PNPT1: variants seen among roughly 807,000 people sequenced by gnomAD.
The protein encoded by PNPT1 is polyribonucleotide nucleotidyltransferase 1.
In PNPT1, 53 loss-of-function variants were observed where a neutral mutation model predicts 119.5. That is an observed-to-expected ratio of 0.44 (90% confidence interval 0.36 to 0.56). The LOEUF is 0.56. Ranked by LOEUF, PNPT1 falls within the 20% of genes least tolerant of loss-of-function variation. The probability of loss-of-function intolerance (pLI) is 0.00; values close to 1 mark genes in which losing one functional copy is unlikely to be tolerated. For synonymous variants in PNPT1, 357 were observed against 322.1 expected (o/e 1.11, Z -1.16); for missense variants, 948 against 938.5 (o/e 1.01, Z -0.13).
chr2:55,644,338 A>T (rs564650719), intron 23 of PNPT1, among the ~76,000 whole-genome samples: 2 of 152,338 alleles, frequency 1.3e-5, no homozygotes, highest in East Asian at 3.9e-4. Flanking sequence ...TAACTAAGTA[A>T]TAATTCCTCT....
chr2:55,646,302 T>A lies in PNPT1; in HGVS notation c.1695A>T (p.Gly565=), dbSNP rs770096000. 2.2e-5 allele frequency: 36 copies of A among 1,612,962 alleles called. No individual in the cohort carries two copies. The South Asian group carries it at 3.5e-4, about 16-fold the overall frequency. Residue 565 remains glycine, a synonymous_variant, in exon 21 of 28, where the codon GGA becomes GGT. Transcript: ENST00000447944. ...CCTCCATCACAATTTTTATTGGTAT[T>A]CCAGGTAATTTAATATCAGCCTAAT... ...TALQADIKLP[G]IPIKIVMEAI...
At position 55,673,079 on chromosome 2, in the gene PNPT1, A is replaced by G; in HGVS notation, c.680T>C (p.Val227Ala). The G allele has an allele frequency of 6.4e-7, 1 of 1,561,664 alleles. No individual in the cohort carries two copies. Among genetic ancestry groups the G allele is most frequent in the Non-Finnish European group, 8.6e-7 (1 of 1,162,530 alleles). The change falls in exon 9 of 28, where the codon GTC becomes GCC. Residue 227 changes from valine (V) to alanine (A), a missense_variant and splice_region_variant. Physicochemically the swap from Val to Ala is moderately conservative, Grantham distance 64. Coordinates refer to ENST00000447944, the MANE Select transcript of PNPT1 (RefSeq NM_033109.5). ...VVAGAPKSQI[V>A]MLEASAENIL... is the part of the protein sequence containing the mutation. The stretch of plus-strand genomic sequence containing the variant: ...GTTCTCTGCAGAGGCTTCCAACATG[A>G]CTATTTAAAGGAAAAAGAAAAAAAA...
chr2:55,660,492 T>G (rs1284070324), intron 14 of PNPT1, among the ~76,000 whole-genome samples: 4 of 152,214 alleles, frequency 2.6e-5, no homozygotes, highest in Non-Finnish European at 4.4e-5. Flanking sequence ...TAATGACTAC[T>G]GAGAGAATCC....
Position 55,647,369 on chromosome 2 carries a change from T to A in PNPT1, c.1580A>T (p.Tyr527Phe). The A allele has an allele frequency of 6.2e-7, 1 of 1,608,458 alleles. No individual in the cohort carries two copies. Among genetic ancestry groups the A allele is most frequent in the Non-Finnish European group, 8.5e-7 (1 of 1,176,772 alleles). ...TGCCAAAATATCTGTCAGCAAACGATAATCTTCTATTTCACCCTTCTCAGG... is the reference window on the plus strand; with the variant it reads ...TGCCAAAATATCTGTCAGCAAACGAAAATCTTCTATTTCACCCTTCTCAGG... ...TDPEKGEIED[Y>F]RLLTDILGIE... is the part of the protein sequence containing the mutation. The change falls in exon 19 of 28, where the codon TAT (tyrosine) becomes TTT (phenylalanine). Residue 527 changes from tyrosine (Y) to phenylalanine (F), a missense_variant. Tyr to Phe is a conservative substitution (Grantham distance 22, BLOSUM62 3). Coordinates refer to ENST00000447944, the MANE Select transcript of PNPT1 (RefSeq NM_033109.5).
rs747186248 is a variant in PNPT1, at chr2:55,646,282, ATCACAATTTTTATTGGTAT to A, written c.1696_1714del (p.Ile566TrpfsTer18). On this transcript the variant is annotated frameshift_variant, in exon 21 of 28. Transcript: ENST00000447944. LOFTEE classifies it high-confidence loss of function. ...ACCTGAAGCTTGTTGAATAGCCTCC[ATCACAATTTTTATTGGTAT>A]TCCAGGTAATTTAATATCAGCCTAA... The A allele has an allele frequency of 6.2e-7, 1 of 1,613,372 alleles. No individual in the cohort carries two copies. Among genetic ancestry groups the A allele is most frequent in the Non-Finnish European group, 8.5e-7 (1 of 1,179,474 alleles).
At chr2:55,659,020 T>C (rs1260498956) in intron 15 of PNPT1, among the ~76,000 whole-genome samples, 1 of 152,196 alleles carries the variant, frequency 6.6e-6, no homozygotes, top group Non-Finnish European at 1.5e-5. Context: ...GGCGGAGTGA[T>C]AATGGCTTGC....
At chr2:55,650,287 C>G (rs12473621) in intron 18 of PNPT1, among the ~76,000 whole-genome samples, 1 of 151,936 alleles carries the variant, frequency 6.6e-6, no homozygotes, top group Non-Finnish European at 1.5e-5. Flanking sequence ...CGATTGCAGG[C>G]GCGCGCCGCC....
rs1215805445 is a variant in PNPT1, at chr2:55,641,791, T to G, written c.2070-1086A>C. Among the ~76,000 whole-genome samples the G allele has an allele frequency of 2.6e-5, 4 of 151,980 alleles. No individual in the cohort carries two copies. The East Asian group carries it at 7.7e-4, about 29-fold the overall frequency. On this transcript the variant is annotated intron_variant, in intron 25 of 27. Coordinates refer to ENST00000447944, the MANE Select transcript of PNPT1 (RefSeq NM_033109.5). The stretch of plus-strand genomic sequence containing the variant: ...TCTTAAAAGAGGGATTTTCTTATCC[T>G]AAAAAAACAAGCTCTTCTAGCTGGT...
chr2:55,684,813 G>A (rs961802959), intron 4 of PNPT1, 130 bp downstream of exon 4: 1 of 1,186,908 alleles, frequency 8.4e-7, no homozygotes, highest in Middle Eastern at 2.2e-4. Flanking sequence ...AAGAGAAGGA[G>A]TGAATAATCT....
At chr2:55,683,669 C>T (rs1316704150) in intron 5 of PNPT1, 116 bp downstream of exon 5, 6 of 649,264 alleles carry the variant, frequency 9.2e-6, no homozygotes, top group Non-Finnish European at 1.4e-5. Flanking sequence ...TAAAATATAA[C>T]AGTATCATAA....
intron 18 of PNPT1, among the ~76,000 whole-genome samples, chr2:55,652,571 C>G (rs1246036951): frequency 3.3e-5 from 5 of 152,172 alleles, no homozygotes; most frequent in African/African-American, 9.7e-5. Context: ...ACGTCTTCAA[C>G]TTGAGATCAT....
chr2:55,669,387 G>C (rs1696836020), intron 11 of PNPT1, among the ~76,000 whole-genome samples: 1 of 152,172 alleles, frequency 6.6e-6, no homozygotes, highest in Non-Finnish European at 1.5e-5. Context: ...ATTCTCTCAT[G>C]TGTATGGTTT....
chr2:55,686,779 A>G (rs1166643536), intron 2 of PNPT1, among the ~76,000 whole-genome samples: 1 of 152,236 alleles, frequency 6.6e-6, no homozygotes, highest in Non-Finnish European at 1.5e-5. Context: ...CTAGAAAAGC[A>G]CAACAGAATT....
At chr2:55,667,584 T>C (rs1696773818) in intron 12 of PNPT1, among the ~76,000 whole-genome samples, 1 of 105,292 alleles carries the variant, frequency 9.5e-6, no homozygotes, top group Non-Finnish European at 1.9e-5. Flanking sequence ...AGACTCTGTC[T>C]CAAAAAAAAA....
intron 1 of PNPT1, among the ~76,000 whole-genome samples, chr2:55,688,769 A>AACAAC (rs1559114688): frequency 3.3e-5 from 5 of 150,346 alleles, no homozygotes; most frequent in East Asian, 1.9e-4. Flanking sequence ...ACAACAACAA[A>AACAAC]AAACTTTAGA....
intron 1 of PNPT1, among the ~76,000 whole-genome samples, chr2:55,691,371 G>A (rs986078213): frequency 2.0e-5 from 3 of 152,136 alleles, no homozygotes; most frequent in Non-Finnish European, 4.4e-5. Context: ...ATGCAGTAAA[G>A]AATATATATG....
chr2:55,670,009 T>G (rs113293327), intron 11 of PNPT1, among the ~76,000 whole-genome samples: 2 of 152,204 alleles, frequency 1.3e-5, no homozygotes, highest in African/African-American at 4.8e-5. Flanking sequence ...TCCACCCACT[T>G]TGGCTTCCCA....
At chr2:55,681,773 G>A (rs747390873) in intron 5 of PNPT1, among the ~76,000 whole-genome samples, 40 of 151,224 alleles carry the variant, frequency 2.6e-4, no homozygotes, top group Non-Finnish European at 4.4e-4. Context: ...TGAACCCGGA[G>A]GCAGAGGTTT....
At chr2:55,645,646 G>A (rs1695973538) in intron 21 of PNPT1, among the ~76,000 whole-genome samples, 1 of 152,070 alleles carries the variant, frequency 6.6e-6, no homozygotes, top group Non-Finnish European at 1.5e-5. Flanking sequence ...AAATTTCACT[G>A]GTAACCCACT....
Sources: gnomAD v4.1 joint callset for allele counts (sites outside exome capture counted in the v4.1 genomes callset) on GRCh38, gnomAD v4.1.1 for gene constraint, MANE v1.5 for transcripts, NCBI Gene and HGNC (gene_info 2026-07-23, HGNC 2026-07-21) for gene names.